Variants in RAB3C observed in about 807,000 individuals in gnomAD.
RAB3C encodes the protein ras-related protein Rab-3C.
A neutral mutation model predicts 26.4 loss-of-function variants in RAB3C; 17 were observed. That is an observed-to-expected ratio of 0.64 (90% CI 0.44 to 0.97). The LOEUF is 0.97. Ranked by LOEUF, RAB3C falls within the 50% of genes least tolerant of loss-of-function variation. The pLI is 0.00. For missense variants in RAB3C, 242 were observed against 281.9 expected (o/e 0.86, Z 1.01); for synonymous variants, 91 against 95.9 (o/e 0.95, Z 0.30).
At chr5:58,742,922 A>G (rs991428392) in intron 3 of RAB3C, among the ~76,000 whole-genome samples, 6 of 152,092 alleles carry the variant, frequency 3.9e-5, no homozygotes, top group African/African-American at 1.4e-4. Context: ...GCCAACAAAG[A>G]TAGGGATACG....
At chr5:58,798,091 G>A (rs958977646) in intron 3 of RAB3C, among the ~76,000 whole-genome samples, 1 of 100,588 alleles carries the variant, frequency 9.9e-6, no homozygotes, top group African/African-American at 2.9e-5. Context: ...GAACATACTT[G>A]GCGGGGGGGC....
At chr5:58,655,903 C>T (rs1286392734) in intron 2 of RAB3C, among the ~76,000 whole-genome samples, 1 of 144,822 alleles carries the variant, frequency 6.9e-6, no homozygotes, top group Non-Finnish European at 1.5e-5. Flanking sequence ...TCACGCCTTT[C>T]TCCTGCCTCA....
intron 1 of RAB3C, among the ~76,000 whole-genome samples, chr5:58,613,995 C>A (rs923904166): frequency 4.6e-5 from 7 of 152,004 alleles, no homozygotes; most frequent in South Asian, 2.1e-4. Flanking sequence ...AAGGATGAAG[C>A]TAGGACAACA....
intron 4 of RAB3C, among the ~76,000 whole-genome samples, chr5:58,849,459 G>C (rs1744069314): frequency 6.6e-6 from 1 of 152,184 alleles, no homozygotes; most frequent in African/African-American, 2.4e-5. Flanking sequence ...ATTACTGGAA[G>C]TTGAACGATC....
intron 2 of RAB3C, among the ~76,000 whole-genome samples, chr5:58,630,044 T>C (rs561002517): frequency 1.5e-3 from 221 of 152,308 alleles, no homozygotes; most frequent in African/African-American, 5.0e-3. Flanking sequence ...TATTTGTACG[T>C]TGAGTCTCAC....
At chr5:58,639,251 A>AT (rs553378103) in intron 2 of RAB3C, among the ~76,000 whole-genome samples, 13 of 152,088 alleles carry the variant, frequency 8.5e-5, no homozygotes, top group African/African-American at 3.1e-4. Flanking sequence ...GATGACCTTG[A>AT]TTTTTTTTAA....
chr5:58,770,490 T>G (rs545960025), intron 3 of RAB3C, among the ~76,000 whole-genome samples: 6 of 152,152 alleles, frequency 3.9e-5, no homozygotes, highest in Non-Finnish European at 7.3e-5. Flanking sequence ...TCCAAGAACC[T>G]GTTATAAGAA....
intron 3 of RAB3C, among the ~76,000 whole-genome samples, chr5:58,747,169 A>G (rs1376150495): frequency 1.3e-5 from 2 of 152,228 alleles, no homozygotes; most frequent in Non-Finnish European, 2.9e-5. Flanking sequence ...TTAAACAACA[A>G]TAAACATAGA....
At chr5:58,845,612 A>ATATATATGTGTGTG in intron 4 of RAB3C, among the ~76,000 whole-genome samples, 1 of 81,710 alleles carries the variant, frequency 1.2e-5, no homozygotes, top group African/African-American at 5.8e-5. Context: ...ATATATATAT[A>ATATATATGTGTGTG]TGTGTGTGTG....
At chr5:58,716,000 G>GCA (rs2111904256) in intron 2 of RAB3C, among the ~76,000 whole-genome samples, 1 of 147,322 alleles carries the variant, frequency 6.8e-6, no homozygotes, top group South Asian at 2.1e-4. Context: ...TGCACAATGT[G>GCA]CACATGTACC....
At chr5:58,626,583 G>A (rs1161586804) in intron 2 of RAB3C, among the ~76,000 whole-genome samples, 3 of 152,040 alleles carry the variant, frequency 2.0e-5, no homozygotes, top group Non-Finnish European at 2.9e-5. Context: ...TTATGACCTT[G>A]GACAAGTTAA....
At chr5:58,592,220 G>C (rs1000090121) in intron 1 of RAB3C, among the ~76,000 whole-genome samples, 4 of 152,006 alleles carry the variant, frequency 2.6e-5, no homozygotes, top group African/African-American at 7.2e-5. Context: ...CTTTTCAACT[G>C]TGTATCTTTG....
intron 3 of RAB3C, among the ~76,000 whole-genome samples, chr5:58,805,529 G>A (rs1742918187): frequency 6.7e-6 from 1 of 148,784 alleles, no homozygotes; most frequent in Non-Finnish European, 1.5e-5. Context: ...ACGTTGCAGT[G>A]AGCTGAGATC....
chr5:58,743,852 TTCA>T (rs1252397852), intron 3 of RAB3C, among the ~76,000 whole-genome samples: 9 of 152,202 alleles, frequency 5.9e-5, no homozygotes, highest in Non-Finnish European at 1.5e-5. Flanking sequence ...GAATTGAACT[TTCA>T]TGTCGAGTGT....
intron 3 of RAB3C, among the ~76,000 whole-genome samples, chr5:58,737,376 G>A (rs1169090374): frequency 1.8e-5 from 2 of 113,982 alleles, no homozygotes; most frequent in Non-Finnish European, 3.5e-5. Flanking sequence ...CTTTTTCACA[G>A]CATTTATCAC....
At chr5:58,797,356 ATGTATATATATAATATATATAT>A (rs1742687687) in intron 3 of RAB3C, among the ~76,000 whole-genome samples, 6 of 33,888 alleles carry the variant, frequency 1.8e-4, no homozygotes, top group African/African-American at 8.1e-4. Context: ...AAAAAAAAAT[ATGTATATATATAATATATATAT>A]ATATATATAT....
intron 2 of RAB3C, among the ~76,000 whole-genome samples, chr5:58,710,835 G>A (rs928585357): frequency 6.6e-6 from 1 of 151,984 alleles, no homozygotes; most frequent in African/African-American, 2.4e-5. Flanking sequence ...TAGTTCTCTA[G>A]CATCTGATTT....
chr5:58,856,558 T>C lies in RAB3C; in HGVS notation c.*5207T>C, dbSNP rs2112097263. 1 of 152,340 alleles carries C rather than the reference T, an allele frequency of 6.6e-6. No homozygotes were observed. The highest frequency in any genetic ancestry group is 2.1e-4 in the South Asian group (1 of 4,830). 9.4% of individuals were successfully genotyped at this position (152,340 alleles called of 1,614,324 possible). On this transcript the variant is annotated 3_prime_UTR_variant, in exon 5 of 5. Coordinates refer to ENST00000282878, the MANE Select transcript of RAB3C (RefSeq NM_138453.4). ...GGAGTTTCAAACAGTCATTACTTGC[T>C]GAAATGAGGTTTGAGGTTACCTGTG...
At chr5:58,812,787 A>G (rs182796049) in intron 3 of RAB3C, among the ~76,000 whole-genome samples, 6 of 152,330 alleles carry the variant, frequency 3.9e-5, no homozygotes, top group Admixed American at 3.3e-4. Flanking sequence ...ATAATTAATA[A>G]CATCAGTTTA....
Sources: allele counts gnomAD v4.1 joint callset (sites outside exome capture counted in the v4.1 genomes callset), GRCh38; gene constraint gnomAD v4.1.1; transcripts MANE v1.5; gene names NCBI Gene and HGNC (gene_info 2026-07-23, HGNC 2026-07-21).